The following OSBPL1A variants were observed in gnomAD, a reference collection of about 807,000 sequenced individuals.
OSBPL1A encodes oxysterol binding protein like 1A.
OSBPL1A carries 80 observed loss-of-function variants against 137.1 expected under a neutral mutation model. The ratio of observed to expected loss-of-function variants is 0.58; its 90% CI spans 0.49 to 0.70. OSBPL1A has a LOEUF of 0.70. OSBPL1A is among the 30% of genes least tolerant of loss of function. The probability of loss-of-function intolerance (pLI) is 0.00; values close to 1 mark genes in which losing one functional copy is unlikely to be tolerated. For synonymous variants in OSBPL1A, 365 were observed against 389.7 expected (o/e 0.94, Z 0.75); for missense variants, 970 against 1,129.4 (o/e 0.86, Z 2.02).
At chr18:24,212,323 G>A (rs2087568579) in intron 17 of OSBPL1A, among the ~76,000 whole-genome samples, 2 of 151,960 alleles carry the variant, frequency 1.3e-5, no homozygotes, top group Non-Finnish European at 2.9e-5. Context: ...CTCCCAAAGA[G>A]CTGGGATTAC....
rs2086151640 is a variant in OSBPL1A at position 24,166,644 on chromosome 18, C to T, written c.2594G>A (p.Ser865Asn). The T allele has an allele frequency of 1.2e-6, 2 of 1,613,562 alleles. No individual in the cohort carries two copies. Among genetic ancestry groups the T allele is most frequent in the Non-Finnish European group, 1.7e-6 (2 of 1,179,798 alleles). Residue 865 changes from serine to asparagine, a missense_variant, in exon 26 of 28, where the codon AGT becomes AAT. By Grantham distance (46) the Ser-to-Asn change is conservative. Around this residue, in one of 2 missense-constraint regions of OSBPL1A, gnomAD observed 323 missense variants for 456.8 expected, o/e 0.71. Transcript: ENST00000319481. ...VLNEVDKDME[S>N]VIPKTDCRLR... ...CCTGCAGTCTGTCTTGGGAATCACA[C>T]TCTCCATGTCTTTGTCTACTTCATT...
chr18:24,167,373 C>T lies in OSBPL1A; in HGVS notation c.2491G>A (p.Val831Ile), dbSNP rs140425243. Residue 831 changes from valine (V) to isoleucine (I), a missense_variant, in exon 25 of 28, where the codon GTT becomes ATT. Coordinates refer to ENST00000319481, the MANE Select transcript of OSBPL1A (RefSeq NM_080597.4). ...CGTGGGGCTATTCGCCATAGAAGAA[C>T]GCTTCCAGGGATAATGAATACACTT... ...SESVFIIPGS[V>I]LLWRIAPRPP... The T allele has an allele frequency of 9.3e-4, 1,504 of 1,614,230 alleles. 3 individuals are homozygous for T. Among genetic ancestry groups the T allele is most frequent in the Non-Finnish European group, 1.2e-3 (1,365 of 1,180,044 alleles).
chr18:24,235,781 C>G (rs1353530098), intron 16 of OSBPL1A, among the ~76,000 whole-genome samples: 1 of 152,234 alleles, frequency 6.6e-6, no homozygotes, highest in East Asian at 1.9e-4. Context: ...TTCCCCAAGA[C>G]GTCCATGTCC....
chr18:24,244,716 G>A (rs2088829529), intron 15 of OSBPL1A, among the ~76,000 whole-genome samples: 3 of 152,142 alleles, frequency 2.0e-5, no homozygotes. Context: ...ATCCATAGTG[G>A]CTATTTCCAA....
intron 2 of OSBPL1A, 71 bp downstream of exon 2, chr18:24,377,342 T>C (rs1906259838): frequency 5.4e-6 from 8 of 1,484,266 alleles, no homozygotes; most frequent in Non-Finnish European, 7.2e-6. Flanking sequence ...ATAAGAAAGG[T>C]TAGCATTAAA....
At chr18:24,249,347 T>C (rs1184047327) in intron 15 of OSBPL1A, among the ~76,000 whole-genome samples, 1 of 152,194 alleles carries the variant, frequency 6.6e-6, no homozygotes, top group Non-Finnish European at 1.5e-5. Flanking sequence ...AAAAACAATG[T>C]TGGCAGAGCA....
intron 15 of OSBPL1A, among the ~76,000 whole-genome samples, chr18:24,260,308 T>C (rs113202070): frequency 4.6e-5 from 7 of 152,162 alleles, no homozygotes; most frequent in Non-Finnish European, 1.0e-4. Flanking sequence ...GGAATCCTAC[T>C]TTTAGGTATA....
chr18:24,312,863 C>T (rs1599651674), intron 12 of OSBPL1A, among the ~76,000 whole-genome samples: 1 of 152,204 alleles, frequency 6.6e-6, no homozygotes, highest in African/African-American at 2.4e-5. Context: ...AGGCCTGCCG[C>T]GGTGGCTCAT....
chr18:24,343,278 C>T (rs1259625898), intron 4 of OSBPL1A, among the ~76,000 whole-genome samples: 1 of 151,914 alleles, frequency 6.6e-6, no homozygotes, highest in African/African-American at 2.4e-5. Flanking sequence ...AGACAAAAGG[C>T]TTATACACAA....
At chr18:24,301,515 T>C (rs1411392870) in intron 14 of OSBPL1A, among the ~76,000 whole-genome samples, 2 of 152,240 alleles carry the variant, frequency 1.3e-5, no homozygotes, top group African/African-American at 4.8e-5. Context: ...ATCTCCCTAC[T>C]TTTTGGTAGT....
chr18:24,166,235 C>T (rs541668185), intron 26 of OSBPL1A, among the ~76,000 whole-genome samples: 3 of 152,108 alleles, frequency 2.0e-5, no homozygotes, highest in Non-Finnish European at 4.4e-5. Flanking sequence ...GTAAGTTATA[C>T]TTAACCAAGG....
chr18:24,377,174 G>A (rs558716838), intron 2 of OSBPL1A, among the ~76,000 whole-genome samples: 18 of 152,232 alleles, frequency 1.2e-4, no homozygotes, highest in Non-Finnish European at 1.8e-4. Flanking sequence ...GTGGGCTAGA[G>A]CCACCCTTGT....
At chr18:24,178,536 C>T (rs1393186589) in intron 20 of OSBPL1A, among the ~76,000 whole-genome samples, 1 of 152,156 alleles carries the variant, frequency 6.6e-6, no homozygotes, top group Non-Finnish European at 1.5e-5. Flanking sequence ...CGTGATCAAC[C>T]CACCTCAGCC....
chr18:24,332,716 A>T (rs984031137), intron 7 of OSBPL1A, among the ~76,000 whole-genome samples: 2 of 152,180 alleles, frequency 1.3e-5, no homozygotes, highest in African/African-American at 4.8e-5. Flanking sequence ...TTTATAGAAT[A>T]CAGCTACTGC....
chr18:24,312,021 T>A lies in OSBPL1A; in HGVS notation c.1055A>T (p.Asp352Val). The change falls in exon 13 of 28, where the codon GAT becomes GTT. Residue 352 changes from aspartate to valine, a missense_variant. Asp to Val is a radical substitution (Grantham distance 152, BLOSUM62 -3). This residue lies in a region of OSBPL1A where 647 missense variants were observed against 672.6 expected (regional missense o/e 0.96). Transcript: ENST00000319481. ...CTTCAGGTCTGCAGCAGAAACCGTA[T>A]CTTCCTCCTCCTCATCAGTCAGCTG... The part of the protein sequence containing the change: ...QDQLTDEEEE[D>V]TVSAADLKKS... 1 of 1,614,096 alleles carries A rather than the reference T, an allele frequency of 6.2e-7. No individual in the cohort carries two copies. The highest frequency in any genetic ancestry group is 8.5e-7 in the Non-Finnish European group (1 of 1,179,964).
intron 15 of OSBPL1A, among the ~76,000 whole-genome samples, chr18:24,245,489 T>A (rs925592607): frequency 4.6e-5 from 7 of 152,184 alleles, no homozygotes. Flanking sequence ...GACACACAGC[T>A]GATAAAAAGT....
intron 15 of OSBPL1A, among the ~76,000 whole-genome samples, chr18:24,263,571 C>A (rs1441559135): frequency 6.6e-6 from 1 of 152,126 alleles, no homozygotes; most frequent in Non-Finnish European, 1.5e-5. Context: ...TTACCTATAA[C>A]AAAGTCACTA....
rs78350246 is a variant in OSBPL1A, at chr18:24,276,508, C to G, written c.1281+4334G>C. Among the ~76,000 whole-genome samples, 200 of 152,226 alleles carry G rather than the reference C, an allele frequency of 1.3e-3. 3 individuals are homozygous for G. The East Asian group carries it at 0.034, about 26-fold the overall frequency. ...AGCTGGAGTGCCAATGGCCTGATCT[C>G]GGCTCACTGCAACCTCCGCCTCCTG... On this transcript the variant is annotated intron_variant, in intron 15 of 27. Coordinates refer to ENST00000319481, the MANE Select transcript of OSBPL1A (RefSeq NM_080597.4).
chr18:24,246,451 A>G (rs2146020407), intron 15 of OSBPL1A, among the ~76,000 whole-genome samples: 1 of 152,050 alleles, frequency 6.6e-6, no homozygotes, highest in East Asian at 1.9e-4. Flanking sequence ...TATGATCCCC[A>G]TGGTTATAAT....
Sources: allele counts gnomAD v4.1 joint callset (sites outside exome capture counted in the v4.1 genomes callset), GRCh38; gene constraint gnomAD v4.1.1; regional missense constraint gnomAD v4.1.1; transcripts MANE v1.5; gene names NCBI Gene and HGNC (gene_info 2026-07-23, HGNC 2026-07-21).